Variants in ANK2 observed in about 807,000 individuals in gnomAD.
ANK2 encodes ankyrin 2, also known as ankyrin-2.
In ANK2, 83 loss-of-function variants were observed where a neutral mutation model predicts 360.5. The observed-to-expected ratio is 0.23, with a 90% CI of 0.19 to 0.28. The LOEUF (loss-of-function observed/expected upper bound fraction) is 0.28, where lower values mean the gene tolerates loss of function less well. ANK2 is among the 10% of genes least tolerant of loss of function. The pLI, the probability that ANK2 is intolerant of heterozygous loss-of-function variation, is 1.00. For synonymous variants in ANK2, 1,740 were observed against 1,759.5 expected, an observed-to-expected ratio of 0.99 and a Z score of 0.28; for missense variants, 4,201 against 4,795.7, an observed-to-expected ratio of 0.88 and a Z score of 3.66.
intron 4 of ANK2, among the ~76,000 whole-genome samples, chr4:113,216,072 G>A (rs2099082139): frequency 6.6e-6 from 1 of 152,092 alleles, no homozygotes; most frequent in African/African-American, 2.4e-5. Context: ...TTTTCTTGTG[G>A]TATTTCAAGT....
intron 2 of ANK2, among the ~76,000 whole-genome samples, chr4:113,006,547 A>T (rs1287197330): frequency 6.6e-6 from 1 of 152,206 alleles, no homozygotes; most frequent in African/African-American, 2.4e-5. Flanking sequence ...GTGGAGAAAC[A>T]ATCTTTTCTT....
At chr4:113,308,964 A>G (rs2078540005) in intron 23 of ANK2, among the ~76,000 whole-genome samples, 1 of 152,182 alleles carries the variant, frequency 6.6e-6, no homozygotes, top group African/African-American at 2.4e-5. Flanking sequence ...AAGCAAGAAT[A>G]TGAGTGTTAT....
chr4:113,363,398 C>T lies in ANK2; in HGVS notation c.10817C>T (p.Pro3606Leu). The change falls in exon 40 of 46, where the codon CCC (proline) becomes CTC (leucine). Residue 3606 changes from proline (P) to leucine (L), a missense_variant. Around this residue, in one of 4 missense-constraint regions of ANK2, gnomAD observed 2,642 missense variants for 2,714.5 expected, o/e 0.97. Transcript: ENST00000357077. ...ATTCATCAAATTCGAATTGAAAATC[C>T]CAACTCTCTTCAAGACCAGAGTCAT... ...EQIHQIRIENPNSLQDQSHAL... is the reference protein window; with the variant it reads ...EQIHQIRIENLNSLQDQSHAL... The T allele has an allele frequency of 6.2e-7, 1 of 1,613,392 alleles. No individual in the cohort carries two copies. Among genetic ancestry groups the T allele is most frequent in the Non-Finnish European group, 8.5e-7 (1 of 1,179,652 alleles).
At chr4:112,881,327 A>C (rs919134904) in intron 1 of ANK2, among the ~76,000 whole-genome samples, 61 of 152,182 alleles carry the variant, frequency 4.0e-4, no homozygotes, top group African/African-American at 1.4e-3. Context: ...GGTCCCAGCT[A>C]CTTGGGAGGC....
chr4:113,121,829 G>A (rs1023491206), intron 1 of ANK2, among the ~76,000 whole-genome samples: 3 of 151,336 alleles, frequency 2.0e-5, no homozygotes, highest in Admixed American at 6.6e-5. Flanking sequence ...GTGAGAACAA[G>A]ACTTATTTCT....
chr4:112,859,451 C>CTGAG (rs1435287941), intron 1 of ANK2, among the ~76,000 whole-genome samples: 2 of 152,216 alleles, frequency 1.3e-5, no homozygotes, highest in Admixed American at 6.5e-5. Flanking sequence ...GTGAGAGGAG[C>CTGAG]TGAGCCCAGT....
intron 2 of ANK2, among the ~76,000 whole-genome samples, chr4:113,020,003 T>A (rs12500481): frequency 0.11 from 16,170 of 152,222 alleles, 1,189 homozygotes; most frequent in East Asian, 0.29. Flanking sequence ...GATTTGGAAG[T>A]CCTAGGTAAC....
chr4:113,229,330 C>T (rs1008767561), intron 4 of ANK2, among the ~76,000 whole-genome samples: 2 of 152,178 alleles, frequency 1.3e-5, no homozygotes, highest in African/African-American at 4.8e-5. Flanking sequence ...TGGATCACGG[C>T]CCCGTTCTCC....
chr4:112,981,768 A>T (rs998281203), intron 2 of ANK2, among the ~76,000 whole-genome samples: 3 of 152,260 alleles, frequency 2.0e-5, no homozygotes, highest in Non-Finnish European at 4.4e-5. Context: ...GAAGGTCTAA[A>T]GAAAGGAAGT....
chr4:113,077,401 T>A (rs749919660), intron 1 of ANK2, among the ~76,000 whole-genome samples: 5 of 152,158 alleles, frequency 3.3e-5, no homozygotes, highest in Non-Finnish European at 5.9e-5. Context: ...TAGTCCAAAA[T>A]ATTTTCAATA....
At chr4:113,073,419 A>T (rs1286683547) in intron 1 of ANK2, among the ~76,000 whole-genome samples, 1 of 152,204 alleles carries the variant, frequency 6.6e-6, no homozygotes, top group Non-Finnish European at 1.5e-5. Context: ...TAGAATAGAG[A>T]ATAGATGCAC....
chr4:113,248,872 T>C (rs2044482899), intron 9 of ANK2, among the ~76,000 whole-genome samples: 1 of 152,226 alleles, frequency 6.6e-6, no homozygotes. Flanking sequence ...AAATCACCAG[T>C]AAATTTAAGC....
intron 2 of ANK2, among the ~76,000 whole-genome samples, chr4:113,013,320 C>T (rs891960331): frequency 9.9e-5 from 15 of 152,226 alleles, no homozygotes; most frequent in Admixed American, 9.2e-4. Flanking sequence ...TCCAAGAGTT[C>T]ACAAGGTTAT....
intron 2 of ANK2, among the ~76,000 whole-genome samples, chr4:113,002,961 G>A (rs925441514): frequency 1.3e-5 from 2 of 152,194 alleles, no homozygotes; most frequent in African/African-American, 4.8e-5. Flanking sequence ...TCTCTTGGGA[G>A]ACACTTATTC....
the ANK2 span, among the ~76,000 whole-genome samples, chr4:112,784,484 C>G: frequency 2.0e-5 from 3 of 151,400 alleles, no homozygotes. Context: ...CAGCCTCCTA[C>G]CGGCGCCTGC....
At chr4:113,347,523 G>A (rs1377293651) in intron 35 of ANK2, among the ~76,000 whole-genome samples, 1 of 152,102 alleles carries the variant, frequency 6.6e-6, no homozygotes, top group East Asian at 1.9e-4. Flanking sequence ...TGCTCTAAGA[G>A]AAAGCATTAA....
intron 1 of ANK2, among the ~76,000 whole-genome samples, chr4:112,872,449 C>T (rs568918551): frequency 2.4e-4 from 36 of 152,028 alleles, no homozygotes; most frequent in South Asian, 6.3e-4. Context: ...GCGATTCTCC[C>T]GCCTCAGCCT....
chr4:113,199,494 G>A (rs1390620034), intron 4 of ANK2, among the ~76,000 whole-genome samples: 2 of 152,036 alleles, frequency 1.3e-5, no homozygotes, highest in African/African-American at 2.4e-5. Context: ...CATTCCAGTG[G>A]AAAATCTGCC....
At chr4:112,839,565 G>T (rs967770530) in intron 1 of ANK2, among the ~76,000 whole-genome samples, 2 of 152,162 alleles carry the variant, frequency 1.3e-5, no homozygotes, top group Admixed American at 1.3e-4. Context: ...GTGTGGTTTG[G>T]ATAAAATGAA....
Sources: allele counts gnomAD v4.1 joint callset (sites outside exome capture counted in the v4.1 genomes callset), GRCh38; gene constraint gnomAD v4.1.1; regional missense constraint gnomAD v4.1.1; transcripts MANE v1.5; gene names NCBI Gene and HGNC (gene_info 2026-07-23, HGNC 2026-07-21).